The following AGBL4 variants were observed in gnomAD, a reference collection of about 807,000 sequenced individuals.
AGBL4 encodes the protein cytosolic carboxypeptidase 6.
A neutral mutation model predicts 66.4 loss-of-function variants in AGBL4; 58 were observed. The ratio of observed to expected loss-of-function variants is 0.87; its 90% CI spans 0.71 to 1.09. The LOEUF is 1.09. Among genes scored for constraint, AGBL4 ranks in the 50% least tolerant of loss-of-function variants. AGBL4 has a pLI of 0.00. For missense variants in AGBL4, 579 were observed against 631.0 expected (o/e 0.92, Z 0.88); for synonymous variants, 234 against 222.9 (o/e 1.05, Z -0.44).
intron 3 of AGBL4, among the ~76,000 whole-genome samples, chr1:49,295,941 A>T (rs1408159617): frequency 6.6e-6 from 1 of 152,210 alleles, no homozygotes. Flanking sequence ...AACTAAAGAA[A>T]GCCCAAACAT....
rs60965691 is a variant in AGBL4 at position 49,714,569 on chromosome 1, C to CATATATAT, written c.158-17140_158-17133dup. 1.5e-3 allele frequency among the ~76,000 whole-genome samples: 216 copies of CATATATAT among 141,834 alleles called. 2 individuals carry two copies. Among genetic ancestry groups the CATATATAT allele is most frequent in the African/African-American group, 4.6e-3 (169 of 36,994 alleles). The allele number at this position is 141,834 out of a possible 152,430, so 93.0% of individuals were successfully genotyped here. ...GTTTGTTATAGTTGAGTAGTATTTA[C>CATATATAT]ATATATATATATATATATATATATA... On this transcript the variant is annotated intron_variant, in intron 2 of 13. Transcript: ENST00000371839.
At chr1:49,035,519 T>C (rs983489783) in intron 5 of AGBL4, among the ~76,000 whole-genome samples, 3 of 152,182 alleles carry the variant, frequency 2.0e-5, no homozygotes, top group South Asian at 2.1e-4. Flanking sequence ...ACTTTTCTCC[T>C]GATTCTTCCC....
intron 4 of AGBL4, among the ~76,000 whole-genome samples, chr1:49,176,667 T>C (rs559632775): frequency 6.6e-6 from 1 of 152,274 alleles, no homozygotes; most frequent in South Asian, 2.1e-4. Flanking sequence ...ATGAGAGTTA[T>C]TTCTCAAGAT....
intron 1 of AGBL4, among the ~76,000 whole-genome samples, chr1:50,015,509 T>C (rs1479355064): frequency 6.6e-6 from 1 of 152,136 alleles, no homozygotes; most frequent in Admixed American, 6.5e-5. Flanking sequence ...ATTAAAAAAT[T>C]AGCTATGCGT....
At chr1:49,157,611 T>A (rs1299667734) in intron 4 of AGBL4, among the ~76,000 whole-genome samples, 1 of 152,186 alleles carries the variant, frequency 6.6e-6, no homozygotes, top group East Asian at 1.9e-4. Flanking sequence ...ATGGGATTCC[T>A]GGGTCAAATG....
chr1:49,862,816 GATAA>G (rs1427778912), intron 1 of AGBL4, among the ~76,000 whole-genome samples: 1 of 152,078 alleles, frequency 6.6e-6, no homozygotes, highest in Non-Finnish European at 1.5e-5. Flanking sequence ...AAATATGGAG[GATAA>G]ATAAAGACTT....
chr1:49,065,468 A>G (rs1644475572), intron 4 of AGBL4, among the ~76,000 whole-genome samples: 1 of 152,232 alleles, frequency 6.6e-6, no homozygotes, highest in South Asian at 2.1e-4. Flanking sequence ...TTCCAAAGTA[A>G]CTGAGCACTG....
At chr1:49,045,882 G>T in intron 4 of AGBL4, 82 bp from the exon 5 acceptor site, 2 of 1,154,712 alleles carry the variant, frequency 1.7e-6, no homozygotes, top group Non-Finnish European at 2.4e-6. Flanking sequence ...ATCAATGCCT[G>T]GAGAAAAACT....
At chr1:48,537,035 C>CG (rs1643983880) in intron 12 of AGBL4, among the ~76,000 whole-genome samples, 1 of 152,170 alleles carries the variant, frequency 6.6e-6, no homozygotes, top group Non-Finnish European at 1.5e-5. Flanking sequence ...TGGGAGAAAA[C>CG]AAAGATTAGT....
At chr1:49,915,528 G>A (rs1003654805) in intron 1 of AGBL4, among the ~76,000 whole-genome samples, 7 of 152,208 alleles carry the variant, frequency 4.6e-5, no homozygotes, top group Admixed American at 2.0e-4. Flanking sequence ...GGGGCAGTGA[G>A]GCTGGGGAAG....
intron 6 of AGBL4, among the ~76,000 whole-genome samples, chr1:48,682,242 G>A (rs912076683): frequency 6.6e-5 from 10 of 152,204 alleles, no homozygotes; most frequent in Admixed American, 5.9e-4. Context: ...GCCATGCAGT[G>A]TGTGTATTTG....
At chr1:49,209,021 TAGG>T (rs1557731303) in intron 4 of AGBL4, among the ~76,000 whole-genome samples, 2 of 152,044 alleles carry the variant, frequency 1.3e-5, no homozygotes, top group Non-Finnish European at 2.9e-5. Flanking sequence ...GCAGTCTTAG[TAGG>T]AGAAATGCCA....
At chr1:49,154,968 C>G (rs1191591371) in intron 4 of AGBL4, among the ~76,000 whole-genome samples, 1 of 152,128 alleles carries the variant, frequency 6.6e-6, no homozygotes, top group East Asian at 1.9e-4. Context: ...AGCATCCAAC[C>G]ATGAACTTAA....
At chr1:50,002,686 A>G (rs1660855555) in intron 1 of AGBL4, among the ~76,000 whole-genome samples, 1 of 152,080 alleles carries the variant, frequency 6.6e-6, no homozygotes, top group Non-Finnish European at 1.5e-5. Context: ...GTTCTTATAC[A>G]TGGCCATAGA....
At chr1:48,864,032 C>T (rs7551573) in intron 6 of AGBL4, among the ~76,000 whole-genome samples, 129,890 of 152,070 alleles carry the variant, frequency 0.85, 56,932 homozygotes, top group Non-Finnish European at 0.96. Context: ...TGGGAGAAGA[C>T]GTTTGCAATG....
Position 49,449,379 on chromosome 1 carries a change from G to T in AGBL4, c.283-203515C>A, listed in dbSNP as rs1232465515. Reference sequence around the variant, plus strand: ...TATAATTAAGTCACTCAAGATGGAGGGAATTATTTGATTGATATGAGGTTT... The same window carrying T: ...TATAATTAAGTCACTCAAGATGGAGTGAATTATTTGATTGATATGAGGTTT... On this transcript the variant is annotated intron_variant, in intron 3 of 13. Coordinates refer to ENST00000371839, the MANE Select transcript of AGBL4 (RefSeq NM_032785.4). 2.0e-5 allele frequency among the ~76,000 whole-genome samples: 3 copies of T among 151,964 alleles called. No individual in the cohort carries two copies. In the East Asian group the frequency reaches 5.8e-4, roughly 29 times the overall value.
Position 48,578,371 on chromosome 1 carries a change from C to T in AGBL4, c.1267+8633G>A, listed in dbSNP as rs558260251. Among the ~76,000 whole-genome samples the T allele has an allele frequency of 1.2e-4, 19 of 152,252 alleles. No individual in the cohort carries two copies. In the South Asian group the frequency reaches 3.5e-3, roughly 28 times the overall value. The stretch of plus-strand genomic sequence containing the variant: ...TTCATATTTAAAGATCAAACTCTAG[C>T]CCATGTCTGTAGGGAGGAGAAAAAA... On this transcript the variant is annotated intron_variant, in intron 11 of 13. Transcript: ENST00000371839.
At chr1:48,972,286 G>T (rs538635857) in intron 5 of AGBL4, among the ~76,000 whole-genome samples, 1 of 152,050 alleles carries the variant, frequency 6.6e-6, no homozygotes, top group African/African-American at 2.4e-5. Context: ...TAGTCCATCC[G>T]TATCTTCTCA....
intron 6 of AGBL4, among the ~76,000 whole-genome samples, chr1:48,773,825 G>T (rs1369459860): frequency 6.6e-6 from 1 of 152,180 alleles, no homozygotes; most frequent in Non-Finnish European, 1.5e-5. Flanking sequence ...ACTAACCACA[G>T]CAATACCTAC....
Sources: allele counts gnomAD v4.1 joint callset (sites outside exome capture counted in the v4.1 genomes callset), GRCh38; gene constraint gnomAD v4.1.1; transcripts MANE v1.5; gene names NCBI Gene and HGNC (gene_info 2026-07-23, HGNC 2026-07-21).